Variants in IFT140 observed in about 807,000 individuals in gnomAD.
The protein encoded by IFT140 is intraflagellar transport 140, also known as intraflagellar transport protein 140 homolog.
A neutral mutation model predicts 164.6 loss-of-function variants in IFT140; 133 were observed. The observed-to-expected ratio is 0.81, with a 90% CI of 0.70 to 0.93. The LOEUF (loss-of-function observed/expected upper bound fraction) is 0.93. Among genes scored for constraint, IFT140 ranks in the 40% least tolerant of loss-of-function variants. The pLI, the probability that IFT140 is intolerant of heterozygous loss-of-function variation, is 0.00. For missense variants in IFT140, 2,045 were observed against 1,972.3 expected, an observed-to-expected ratio of 1.04 and a Z score of -0.70; for synonymous variants, 860 against 817.3, an observed-to-expected ratio of 1.05 and a Z score of -0.89.
intron 4 of IFT140, among the ~76,000 whole-genome samples, chr16:1,593,838 G>A (rs1292236723): frequency 5.3e-5 from 8 of 152,066 alleles, no homozygotes; most frequent in Non-Finnish European, 8.8e-5. Flanking sequence ...GCTCTTCCCC[G>A]GATCCCCCTC....
intron 29 of IFT140, among the ~76,000 whole-genome samples, chr16:1,518,568 C>T (rs1453126827): frequency 6.6e-6 from 1 of 151,982 alleles, no homozygotes; most frequent in Non-Finnish European, 1.5e-5. Context: ...ATGCTGGGTC[C>T]TATGCTTGGA....
rs756279698 is a variant in IFT140 at position 1,584,241 on chromosome 16, G to A, written c.1335C>T (p.His445=). The A allele has an allele frequency of 2.5e-6, 4 of 1,613,750 alleles. No homozygotes were observed. The highest frequency in any genetic ancestry group is 3.4e-6 in the Non-Finnish European group (4 of 1,179,992). ...GVAHSLRTDM[H]ISGVFATKDA... is the part of the protein sequence containing the mutation. The stretch of plus-strand genomic sequence containing the variant: ...CCTTGGTGGCAAACACTCCACTGAT[G>A]TGCATGTCGGTGCGCAGGCTGTGTG... Residue 445 remains histidine (H), a synonymous_variant, in exon 11 of 31, where the codon CAC becomes CAT. Transcript: ENST00000426508.
In IFT140 at chr16:1,558,235, T is replaced by G. The variant is rs1462497714; in HGVS notation, c.2200-101A>C. ...ATTTAGCTCCCTTATGGGGGAGAAA[T>G]CCCTCTGCAGACAGACAGATATTTA... On this transcript the variant is annotated intron_variant, in intron 18 of 30. Coordinates refer to ENST00000426508, the MANE Select transcript of IFT140 (RefSeq NM_014714.4). 6.0e-6 allele frequency: 7 copies of G among 1,158,630 alleles called. No individual in the cohort carries two copies. The African/African-American group carries it at 1.1e-4, about 18-fold the overall frequency. The allele number at this position is 1,158,630 out of a possible 1,614,324, so 71.8% of individuals were successfully genotyped here.
chr16:1,517,365 AAAG>A lies in IFT140; in HGVS notation c.4182+848_4182+850del, dbSNP rs1395583025. The stretch of plus-strand genomic sequence containing the variant: ...ACTCCGTCTCCAAAAAAAAAAAAAA[AAAG>A]TACAATAATAAGAAAACCCAATAAA... On this transcript the variant is annotated intron_variant, in intron 30 of 30. Coordinates refer to ENST00000426508, the MANE Select transcript of IFT140 (RefSeq NM_014714.4). Among the ~76,000 whole-genome samples, 77 of 146,380 alleles carry A rather than the reference AAAG, an allele frequency of 5.3e-4. 1 individual carries two copies. The highest frequency in any genetic ancestry group is 2.2e-3 in the Admixed American group (33 of 14,674).
rs994668436 is a variant in IFT140 at position 1,598,933 on chromosome 16, G to A, written c.369+3437C>T. Among the ~76,000 whole-genome samples, 7 of 147,056 alleles carry A rather than the reference G, an allele frequency of 4.8e-5. No individual in the cohort carries two copies. The South Asian group carries it at 9.0e-4, about 19-fold the overall frequency. On this transcript the variant is annotated intron_variant, in intron 4 of 30. Coordinates refer to ENST00000426508, the MANE Select transcript of IFT140 (RefSeq NM_014714.4). Reference sequence around the variant, plus strand: ...TTGCCCAGTCTGGAAAGTGAGGAGCGTCTCCGCCCGGCCGCCATCCCATCT... The same window carrying A: ...TTGCCCAGTCTGGAAAGTGAGGAGCATCTCCGCCCGGCCGCCATCCCATCT...
Position 1,607,279 on chromosome 16 carries a change from G to T in IFT140, c.-13C>A. The stretch of plus-strand genomic sequence containing the variant: ...AATAGAGGGCCATGACGGAACTCAG[G>T]CCTCCTCAGCGCTGAAACCTGCAGG... On this transcript the variant is annotated 5_prime_UTR_variant, in exon 3 of 31. Coordinates refer to ENST00000426508, the MANE Select transcript of IFT140 (RefSeq NM_014714.4). 6.2e-7 allele frequency: 1 copy of T among 1,610,092 alleles called. No homozygotes were observed.
chr16:1,589,647 C>T lies in IFT140; in HGVS notation c.768G>A (p.Leu256=), dbSNP rs775181670. The change falls in exon 7 of 31, where the codon CTG becomes CTA. Residue 256 remains leucine (L), a synonymous_variant. Coordinates refer to ENST00000426508, the MANE Select transcript of IFT140 (RefSeq NM_014714.4). ...VVVTENLRLS[L]YTVPPEGKAE... is the part of the protein sequence containing the mutation. ...CTTTGCCCTCAGGAGGCACCGTGTA[C>T]AGGGACAGCCGGAGGTTCTCTGTGA... 80 of 1,614,076 alleles carry T rather than the reference C, an allele frequency of 5.0e-5. No homozygotes were observed. The highest frequency in any genetic ancestry group is 6.3e-5 in the Non-Finnish European group (74 of 1,180,038).
chr16:1,558,027 G>T lies in IFT140; in HGVS notation c.2307C>A (p.Asp769Glu). 1 of 1,614,038 alleles carries T rather than the reference G, an allele frequency of 6.2e-7. No individual in the cohort carries two copies. Among genetic ancestry groups the T allele is most frequent in the Non-Finnish European group, 8.5e-7 (1 of 1,180,048 alleles). The change falls in exon 19 of 31, where the codon GAC becomes GAA. Residue 769 changes from aspartate to glutamate, a missense_variant. Asp to Glu is a conservative substitution (Grantham distance 45, BLOSUM62 2). Transcript: ENST00000426508. The stretch of plus-strand genomic sequence containing the variant: ...GGAGCATGGCGTCCCGGGTGGCCTT[G>T]TCGCAGTCCTCCAGCCCCACAAAGT... ...LRDFVGLEDCDKATRDAMLHF... is the reference protein window; with the variant it reads ...LRDFVGLEDCEKATRDAMLHF...
chr16:1,594,879 G>T (rs1339844830), intron 4 of IFT140, among the ~76,000 whole-genome samples: 1 of 152,250 alleles, frequency 6.6e-6, no homozygotes, highest in Non-Finnish European at 1.5e-5. Flanking sequence ...CCCACAGTAC[G>T]CTCTTCTTCC....
At chr16:1,587,817 G>C (rs2034968390) in intron 8 of IFT140, 116 bp downstream of exon 8, 3 of 774,470 alleles carry the variant, frequency 3.9e-6, no homozygotes, top group South Asian at 3.5e-5. Flanking sequence ...CAGTATGAGA[G>C]CACTCAGCAT....
chr16:1,516,752 A>G lies in IFT140; in HGVS notation c.4182+1464T>C, dbSNP rs1306457794. Among the ~76,000 whole-genome samples, 6 of 148,628 alleles carry G rather than the reference A, an allele frequency of 4.0e-5. No individual in the cohort carries two copies. In the South Asian group the frequency reaches 6.5e-4, roughly 16 times the overall value. On this transcript the variant is annotated intron_variant, in intron 30 of 30. Coordinates refer to ENST00000426508, the MANE Select transcript of IFT140 (RefSeq NM_014714.4). Reference sequence around the variant, plus strand: ...ACCACCGCACTCCAGCCTGGGCGACAGAGCGACACTCTGTCTCAAAAAAAA... The same window carrying G: ...ACCACCGCACTCCAGCCTGGGCGACGGAGCGACACTCTGTCTCAAAAAAAA...
At chr16:1,605,179 G>A (rs528507894) in intron 3 of IFT140, among the ~76,000 whole-genome samples, 2 of 152,272 alleles carry the variant, frequency 1.3e-5, no homozygotes, top group South Asian at 4.1e-4. Flanking sequence ...AATGGAGGAA[G>A]AGCTGGCAAA....
In IFT140 at chr16:1,534,451, C is replaced by T. The variant is rs778930774; in HGVS notation, c.2400-7655G>A. 1.6e-5 allele frequency: 26 copies of T among 1,611,436 alleles called. No individual in the cohort carries two copies. The highest frequency in any genetic ancestry group is 6.7e-5 in the Admixed American group (4 of 59,950). On this transcript the variant is annotated intron_variant, in intron 19 of 30. Transcript: ENST00000426508. ...CTGGTGGACAGGACCCGGGGAGGGCCGAGCCCTGGGGCCAGAGCCGGCCAG... is the reference window on the plus strand; with the variant it reads ...CTGGTGGACAGGACCCGGGGAGGGCTGAGCCCTGGGGCCAGAGCCGGCCAG...
At chr16:1,560,288 G>A (rs1053861975) in intron 18 of IFT140, among the ~76,000 whole-genome samples, 2 of 152,174 alleles carry the variant, frequency 1.3e-5, no homozygotes, top group Non-Finnish European at 2.9e-5. Flanking sequence ...ACAGTGTGAC[G>A]CATAAACCAG....
intron 14 of IFT140, among the ~76,000 whole-genome samples, chr16:1,570,457 G>A (rs927957427): frequency 2.0e-5 from 3 of 151,986 alleles, no homozygotes; most frequent in Admixed American, 6.6e-5. Context: ...CTCCCACCAC[G>A]CGATGCCAGG....
intron 11 of IFT140, 67 bp from the exon 12 acceptor site, chr16:1,583,453 G>T: frequency 7.6e-7 from 1 of 1,317,514 alleles, no homozygotes; most frequent in Non-Finnish European, 1.1e-6. Flanking sequence ...ACACCCCACT[G>T]CACACCTCGA....
intron 13 of IFT140, 131 bp from the exon 14 acceptor site, chr16:1,571,665 T>C: frequency 1.0e-6 from 1 of 962,940 alleles, no homozygotes; most frequent in Non-Finnish European, 1.5e-6. Context: ...GATAACCTTG[T>C]ACACTCCACT....
intron 19 of IFT140, among the ~76,000 whole-genome samples, chr16:1,537,209 C>T (rs761033527): frequency 5.3e-5 from 8 of 151,422 alleles, no homozygotes; most frequent in African/African-American, 1.2e-4. Flanking sequence ...CGTCACACCG[C>T]GTGCCTCCTC....
intron 30 of IFT140, among the ~76,000 whole-genome samples, chr16:1,512,769 G>A (rs868642047): frequency 6.6e-5 from 10 of 152,144 alleles, no homozygotes; most frequent in Non-Finnish European, 8.8e-5. Flanking sequence ...CAGCCTGGGC[G>A]ACAGAGCAAG....
Sources: gnomAD v4.1 joint callset for allele counts (sites outside exome capture counted in the v4.1 genomes callset) on GRCh38, gnomAD v4.1.1 for gene constraint, MANE v1.5 for transcripts, NCBI Gene and HGNC (gene_info 2026-07-23, HGNC 2026-07-21) for gene names.